The following VPS35L variants were observed in gnomAD, a reference collection of about 807,000 sequenced individuals.
The protein encoded by VPS35L is VPS35 endosomal protein-sorting factor-like.
A neutral mutation model predicts 133.0 loss-of-function variants in VPS35L; 83 were observed. The ratio of observed to expected loss-of-function variants is 0.62; its 90% CI spans 0.52 to 0.75. The LOEUF (loss-of-function observed/expected upper bound fraction) is 0.75, where lower values mean the gene tolerates loss of function less well. Among genes scored for constraint, VPS35L ranks in the 30% least tolerant of loss-of-function variants. The probability of loss-of-function intolerance (pLI) is 0.00; values close to 1 mark genes in which losing one functional copy is unlikely to be tolerated. For synonymous variants in VPS35L, 423 were observed against 449.9 expected (o/e 0.94, Z 0.76); for missense variants, 1,083 against 1,206.8 (o/e 0.90, Z 1.52).
rs539192814 is a variant in VPS35L, at chr16:19,696,377, C to T, written c.2647-3125C>T. 1.1e-3 allele frequency among the ~76,000 whole-genome samples: 160 copies of T among 152,252 alleles called. 1 individual carries two copies. The highest frequency in any genetic ancestry group is 2.0e-3 in the Non-Finnish European group (137 of 68,034). On this transcript the variant is annotated intron_variant, in intron 29 of 30. Transcript: ENST00000417362. ...GGAAAACCCTGATGCCTGTGCCGTT[C>T]TGAGAATCATATCGCAGCTCTGGTA...
At position 19,669,248 on chromosome 16, in the gene VPS35L, G is replaced by T. The variant is rs141557733; in HGVS notation, c.2310G>T (p.Ser770=). The stretch of plus-strand genomic sequence containing the variant: ...ATGGGAAGATGCGGCCATCGGAATC[G>T]TTCCTTCTGGAATTCCTCTGCAATT... The part of the protein sequence containing the change: ...NIDGKMRPSE[S]FLLEFLCNFF... The change falls in exon 27 of 31, where the codon TCG becomes TCT. Residue 770 remains serine, a synonymous_variant. Transcript: ENST00000417362. 1.2e-6 allele frequency: 2 copies of T among 1,613,044 alleles called. No homozygotes were observed. The highest frequency in any genetic ancestry group is 3.3e-5 in the Admixed American group (2 of 60,010).
At chr16:19,619,830 G>A (rs745468828) in intron 14 of VPS35L, among the ~76,000 whole-genome samples, 1 of 152,104 alleles carries the variant, frequency 6.6e-6, no homozygotes, top group African/African-American at 2.4e-5. Flanking sequence ...AATTGATGTC[G>A]GTATGGAAGG....
chr16:19,597,245 C>A (rs1364421224), intron 8 of VPS35L, among the ~76,000 whole-genome samples: 1 of 151,950 alleles, frequency 6.6e-6, no homozygotes, highest in East Asian at 1.9e-4. Context: ...GTGGTACAAG[C>A]CTATAGTCCC....
At chr16:19,679,696 G>T (rs543321198) in intron 27 of VPS35L, among the ~76,000 whole-genome samples, 15 of 151,982 alleles carry the variant, frequency 9.9e-5, no homozygotes, top group African/African-American at 3.6e-4. Flanking sequence ...GTAGAAACGG[G>T]GTTTCGCCAT....
At chr16:19,677,767 A>G (rs1975115099) in intron 27 of VPS35L, among the ~76,000 whole-genome samples, 1 of 152,082 alleles carries the variant, frequency 6.6e-6, no homozygotes. Context: ...CTGCCCTCCC[A>G]CTATCTCTGT....
chr16:19,606,153 T>G (rs187591399), intron 9 of VPS35L, among the ~76,000 whole-genome samples: 6 of 152,364 alleles, frequency 3.9e-5, no homozygotes, highest in African/African-American at 1.4e-4. Context: ...TTTAGCCTGA[T>G]TTCCAACTCT....
At chr16:19,574,948 A>G in intron 4 of VPS35L, 150 bp from the exon 5 acceptor site, 2 of 642,552 alleles carry the variant, frequency 3.1e-6, no homozygotes, top group Non-Finnish European at 5.0e-6. Flanking sequence ...ACTTGAGTAG[A>G]AATTTGAATC....
In VPS35L at chr16:19,579,055, A is replaced by T; in HGVS notation, c.437A>T (p.Lys146Ile). 6.2e-7 allele frequency: 1 copy of T among 1,614,076 alleles called. No homozygotes were observed. The highest frequency in any genetic ancestry group is 1.3e-5 in the African/African-American group (1 of 75,060). Reference protein sequence around the residue: ...INLFMGSEKGKAGTATLAMSE... With the variant: ...INLFMGSEKGIAGTATLAMSE... ...GACGTAAATTCATTCTGTTTAGGCA[A>T]AGCTGGGACTGCCACATTGGCAATG... Residue 146 changes from lysine to isoleucine, a missense_variant, in exon 6 of 31, where the codon AAA becomes ATA. Lys to Ile is a moderately radical substitution (Grantham distance 102). Coordinates refer to ENST00000417362, the MANE Select transcript of VPS35L (RefSeq NM_020314.7).
chr16:19,583,904 T>C (rs1461625206), intron 7 of VPS35L, among the ~76,000 whole-genome samples: 2 of 152,204 alleles, frequency 1.3e-5, no homozygotes, highest in Non-Finnish European at 2.9e-5. Flanking sequence ...GTCGCTGTTC[T>C]ACTCTCCACT....
rs182987117 is a variant in VPS35L at position 19,566,658 on chromosome 16, A to G, written c.117+1708A>G. 7.2e-5 allele frequency among the ~76,000 whole-genome samples: 11 copies of G among 152,326 alleles called. No homozygotes were observed. In the East Asian group the frequency reaches 2.1e-3, roughly 29 times the overall value. ...TTATGGACACAAAAAGGAAAGTGACATTCAGAAAATAGAAGTGAGGTACAG... is the reference window on the plus strand; with the variant it reads ...TTATGGACACAAAAAGGAAAGTGACGTTCAGAAAATAGAAGTGAGGTACAG... On this transcript the variant is annotated intron_variant, in intron 2 of 30. Transcript: ENST00000417362.
chr16:19,590,251 A>G lies in VPS35L; in HGVS notation c.640-1539A>G, dbSNP rs189154352. 5.2e-3 allele frequency among the ~76,000 whole-genome samples: 778 copies of G among 149,512 alleles called. 2 individuals carry two copies. Among genetic ancestry groups the G allele is most frequent in the Non-Finnish European group, 7.8e-3 (527 of 67,840 alleles). On this transcript the variant is annotated intron_variant, in intron 7 of 30. Coordinates refer to ENST00000417362, the MANE Select transcript of VPS35L (RefSeq NM_020314.7). ...TGCTATGGAGAAACTTGGTGACTCT[A>G]ACAATTTAGATGTTGGGTAACAACA... is the stretch of plus-strand genomic sequence containing the variant.
At chr16:19,663,870 G>C (rs1390527032) in intron 26 of VPS35L, among the ~76,000 whole-genome samples, 2 of 151,686 alleles carry the variant, frequency 1.3e-5, no homozygotes, top group Non-Finnish European at 2.9e-5. Context: ...CTTATTTTCA[G>C]CTTCTGTCTG....
At chr16:19,667,703 C>T (rs1974739787) in intron 26 of VPS35L, among the ~76,000 whole-genome samples, 1 of 147,372 alleles carries the variant, frequency 6.8e-6, no homozygotes, top group Non-Finnish European at 1.5e-5. Flanking sequence ...CGTTGCACTT[C>T]AGCCTGTGCG....
intron 2 of VPS35L, among the ~76,000 whole-genome samples, chr16:19,568,411 T>G (rs1971256353): frequency 2.0e-5 from 2 of 101,312 alleles, no homozygotes; most frequent in African/African-American, 7.8e-5. Flanking sequence ...ATTTTTCATG[T>G]TTTTTTTTTT....
At chr16:19,647,984 C>A in intron 24 of VPS35L, 102 bp downstream of exon 24, 1 of 1,076,920 alleles carries the variant, frequency 9.3e-7, no homozygotes, top group Non-Finnish European at 1.4e-6. Context: ...GACAGGGTCT[C>A]ACTCTGTCAC....
At chr16:19,654,557 A>G (rs1567459311) in intron 26 of VPS35L, among the ~76,000 whole-genome samples, 1 of 152,038 alleles carries the variant, frequency 6.6e-6, no homozygotes, top group Admixed American at 6.6e-5. Flanking sequence ...AAAAAAAAAA[A>G]AAGAAAGAAA....
At chr16:19,666,133 G>A (rs923368638) in intron 26 of VPS35L, among the ~76,000 whole-genome samples, 10 of 151,748 alleles carry the variant, frequency 6.6e-5, no homozygotes, top group South Asian at 2.1e-4. Flanking sequence ...GTGGGTTCTC[G>A]TTTCACTTTG....
At chr16:19,688,028 G>A (rs1428102749) in intron 28 of VPS35L, among the ~76,000 whole-genome samples, 1 of 152,152 alleles carries the variant, frequency 6.6e-6, no homozygotes, top group Non-Finnish European at 1.5e-5. Flanking sequence ...CTGGGCTCAA[G>A]TCATCCTCCC....
At chr16:19,690,255 G>C (rs1975620751) in intron 28 of VPS35L, among the ~76,000 whole-genome samples, 1 of 152,182 alleles carries the variant, frequency 6.6e-6, no homozygotes, top group African/African-American at 2.4e-5. Context: ...GCAGCACAGA[G>C]TGTGGTGTCT....
Sources: allele counts gnomAD v4.1 joint callset (sites outside exome capture counted in the v4.1 genomes callset), GRCh38; gene constraint gnomAD v4.1.1; transcripts MANE v1.5; gene names NCBI Gene and HGNC (gene_info 2026-07-23, HGNC 2026-07-21).